SMC3: variants seen among roughly 807,000 people sequenced by gnomAD.
SMC3 encodes structural maintenance of chromosomes protein 3.
SMC3 carries 20 observed loss-of-function variants against 171.8 expected under a neutral mutation model. The ratio of observed to expected loss-of-function variants is 0.12; its 90% CI spans 0.08 to 0.17. The LOEUF is 0.17. SMC3 is among the 10% of genes least tolerant of loss of function. SMC3 has a pLI of 1.00. For missense variants in SMC3, 543 were observed against 1,420.4 expected (o/e 0.38, Z 9.93); for synonymous variants, 464 against 451.1 (o/e 1.03, Z -0.36).
Position 110,600,557 on chromosome 10 carries a change from G to GTTTTTT in SMC3, c.2535+23_2535+28dup. 3.1e-6 allele frequency: 3 copies of GTTTTTT among 976,948 alleles called. No homozygotes were observed. The highest frequency in any genetic ancestry group is 4.8e-6 in the Non-Finnish European group (3 of 627,018). The allele number at this position is 976,948 out of a possible 1,614,324, so 60.5% of individuals were successfully genotyped here. ...GACCAAGTAGAACAGGTGTGTATGT[G>GTTTTTT]TTTTTTTTTTTTTTTTTAAGGGCTC... On this transcript the variant is annotated intron_variant, in intron 22 of 28. Transcript: ENST00000361804.
chr10:110,588,548 T>C (rs1165858301), intron 13 of SMC3, among the ~76,000 whole-genome samples: 1 of 152,212 alleles, frequency 6.6e-6, no homozygotes, highest in Admixed American at 6.5e-5. Context: ...CAGCTTTATT[T>C]TGCTTGTCTT....
chr10:110,567,915 C>T, intron 1 of SMC3, 84 bp downstream of exon 1: 2 of 1,431,126 alleles, frequency 1.4e-6, no homozygotes, highest in East Asian at 2.6e-5. Flanking sequence ...CCACCCGCAG[C>T]CTCTCCCCTG....
At chr10:110,588,693 C>G (rs1861161699) in intron 13 of SMC3, among the ~76,000 whole-genome samples, 1 of 152,158 alleles carries the variant, frequency 6.6e-6, no homozygotes, top group African/African-American at 2.4e-5. Context: ...TCCTTAAACT[C>G]TAGCCAGTGA....
chr10:110,593,011 A>G (rs1404993840), intron 17 of SMC3, 62 bp from the exon 18 acceptor site: 44 of 1,312,932 alleles, frequency 3.4e-5, no homozygotes, highest in Admixed American at 5.1e-5. Context: ...ATGTAATTTC[A>G]TAATTCTAAG....
chr10:110,569,661 CT>C (rs1459731838), intron 2 of SMC3, among the ~76,000 whole-genome samples: 3 of 152,064 alleles, frequency 2.0e-5, no homozygotes, highest in Non-Finnish European at 4.4e-5. Context: ...GGCACACGTT[CT>C]TTTTCACTTT....
Position 110,567,753 on chromosome 10 carries a change from G to T in SMC3, c.-64G>T. On this transcript the variant is annotated 5_prime_UTR_variant, in exon 1 of 29. Transcript: ENST00000361804. ...GAGGGGTCGCGTAGGCGCCTCACCT[G>T]ACCCTGCGGCCGTGCGGTTGCTGCT... The T allele has an allele frequency of 1.9e-6, 3 of 1,605,744 alleles. No homozygotes were observed. The highest frequency in any genetic ancestry group is 3.3e-5 in the Admixed American group (2 of 59,954).
chr10:110,582,215 C>A, intron 9 of SMC3, 117 bp downstream of exon 9: 1 of 964,502 alleles, frequency 1.0e-6, no homozygotes, highest in South Asian at 1.5e-5. Context: ...AAAAAAACCT[C>A]TCAATGAATT....
chr10:110,568,326 T>TC (rs1860814182), intron 1 of SMC3: 1 of 175,200 alleles, frequency 5.7e-6, no homozygotes, highest in African/African-American at 2.4e-5. Context: ...GGAGCCGTTC[T>TC]TCTCCCCAGT....
chr10:110,583,755 G>C (rs1861066221), intron 11 of SMC3, 86 bp from the exon 12 acceptor site: 3 of 1,484,456 alleles, frequency 2.0e-6, no homozygotes, highest in Non-Finnish European at 2.8e-6. Context: ...GTTTTCTCAT[G>C]AAGTTTTTTT....
intron 8 of SMC3, 108 bp from the exon 9 acceptor site, chr10:110,581,815 A>C: frequency 1.9e-6 from 2 of 1,052,576 alleles, no homozygotes; most frequent in Non-Finnish European, 2.9e-6. Context: ...ACATCAAAGA[A>C]ATAATGCTAC....
intron 8 of SMC3, 69 bp from the exon 9 acceptor site, chr10:110,581,854 A>G: frequency 3.3e-6 from 4 of 1,225,560 alleles, no homozygotes; most frequent in South Asian, 1.2e-5. Context: ...AATTCAAGGT[A>G]TATTTAAGAA....
chr10:110,588,745 A>G (rs1861162289), intron 13 of SMC3, among the ~76,000 whole-genome samples: 2 of 152,198 alleles, frequency 1.3e-5, no homozygotes, highest in African/African-American at 4.8e-5. Flanking sequence ...TACTAAATTA[A>G]TGAATACAGT....
In SMC3 at chr10:110,604,641, G is replaced by A; in HGVS notation, c.*339G>A. 1 of 270,656 alleles carries A rather than the reference G, an allele frequency of 3.7e-6. No individual in the cohort carries two copies. Among genetic ancestry groups the A allele is most frequent in the South Asian group, 4.1e-5 (1 of 24,546 alleles). 16.8% of individuals were successfully genotyped at this position (270,656 alleles called of 1,614,324 possible). On this transcript the variant is annotated 3_prime_UTR_variant, in exon 29 of 29. Transcript: ENST00000361804. The stretch of plus-strand genomic sequence containing the variant: ...TAATCGGTTTTATGACTAATATAGT[G>A]TTTTATGTGGCTTTTCATTTGTCAT...
chr10:110,592,084 C>T (rs1413454472), intron 17 of SMC3, among the ~76,000 whole-genome samples: 1 of 151,918 alleles, frequency 6.6e-6, no homozygotes, highest in African/African-American at 2.4e-5. Flanking sequence ...GCCAACAAGG[C>T]AAAACCCTGT....
Position 110,600,507 on chromosome 10 carries a change from C to T in SMC3, c.2496C>T (p.Leu832=), listed in dbSNP as rs775856223. The change falls in exon 22 of 29, where the codon CTC becomes CTT. Residue 832 remains leucine, a synonymous_variant. Transcript: ENST00000361804. ...EGIITRVETY[L]NENLRKRLDQ... ...TTATTACTCGAGTAGAGACTTATCTCAATGAGAATCTGAGAAAACGCTTGG... is the reference window on the plus strand; with the variant it reads ...TTATTACTCGAGTAGAGACTTATCTTAATGAGAATCTGAGAAAACGCTTGG... 1.7e-5 allele frequency: 26 copies of T among 1,573,656 alleles called. No individual in the cohort carries two copies. Among genetic ancestry groups the T allele is most frequent in the Non-Finnish European group, 2.3e-5 (26 of 1,145,176 alleles).
chr10:110,598,409 A>G (rs1861333261), intron 20 of SMC3, 119 bp downstream of exon 20: 6 of 1,134,168 alleles, frequency 5.3e-6, no homozygotes, highest in Non-Finnish European at 7.7e-6. Flanking sequence ...TTGGACCCAT[A>G]CTTTTTTTTT....
chr10:110,603,714 T>G (rs1219065884), intron 28 of SMC3, among the ~76,000 whole-genome samples: 1 of 152,196 alleles, frequency 6.6e-6, no homozygotes, highest in Non-Finnish European at 1.5e-5. Context: ...AAAATACATA[T>G]TTTTTAAATC....
chr10:110,575,522 T>A (rs1023638805), intron 4 of SMC3, 119 bp downstream of exon 4: 6 of 804,756 alleles, frequency 7.5e-6, no homozygotes, highest in Non-Finnish European at 1.2e-5. Context: ...AGACACAATC[T>A]TTCTCATAAG....
intron 18 of SMC3, 112 bp downstream of exon 18, chr10:110,593,335 G>C (rs1178603239): frequency 9.1e-7 from 1 of 1,095,630 alleles, no homozygotes; most frequent in African/African-American, 1.6e-5. Flanking sequence ...ACTTTGGGAG[G>C]CTGAGGCGGG....
Sources: gnomAD v4.1 joint callset for allele counts (sites outside exome capture counted in the v4.1 genomes callset) on GRCh38, gnomAD v4.1.1 for gene constraint, MANE v1.5 for transcripts, NCBI Gene and HGNC (gene_info 2026-07-23, HGNC 2026-07-21) for gene names.